The following SNORC variants were observed in gnomAD, a reference collection of about 807,000 sequenced individuals.
SNORC encodes secondary ossification center associated regulator of chondrocyte maturation.
In SNORC, 11 loss-of-function variants were observed where a neutral mutation model predicts 9.7. The observed-to-expected ratio is 1.14, with a 90% CI of 0.72 to 1.88. The LOEUF (loss-of-function observed/expected upper bound fraction) is 1.88, where lower values mean the gene tolerates loss of function less well. SNORC is among the 40% of genes most tolerant of loss of function. The pLI is 0.00. For missense variants in SNORC, 197 were observed against 173.1 expected (o/e 1.14, Z -0.77); for synonymous variants, 108 against 88.7 (o/e 1.22, Z -1.22).
rs1691219627 is a variant in SNORC, at chr2:232,876,016, G to A, written c.150G>A (p.Glu50=). Residue 50 remains glutamate (E), a synonymous_variant, in exon 2 of 3, where the codon GAG becomes GAA. Transcript: ENST00000331342. This position sits in a 1 kb window ranked among gnomAD's most constrained non-coding sequence, Gnocchi z 6.8. ...TGCCGTCGGGAGAAGGCCCCGTGGA[G>A]AGCACCAGCCCCGGCCGGGAGCCCG... is the stretch of plus-strand genomic sequence containing the variant. The A allele has an allele frequency of 4.5e-6, 7 of 1,550,820 alleles. No individual in the cohort carries two copies. The highest frequency in any genetic ancestry group is 2.4e-5 in the East Asian group (1 of 41,488).
intron 1 of SNORC, among the ~76,000 whole-genome samples, chr2:232,871,035 T>G (rs987801990): frequency 5.3e-5 from 8 of 152,176 alleles, no homozygotes; most frequent in Admixed American, 1.3e-4. Context: ...AGGGGAAGAC[T>G]GGCCCAGGCT....
At chr2:232,873,775 G>T (rs1486823492) in intron 1 of SNORC, among the ~76,000 whole-genome samples, 2 of 152,210 alleles carry the variant, frequency 1.3e-5, no homozygotes, top group Non-Finnish European at 2.9e-5. Context: ...CTGCAAGGCT[G>T]CAGACCCCTG....
At chr2:232,872,280 C>G (rs1402282638) in intron 1 of SNORC, among the ~76,000 whole-genome samples, 1 of 152,148 alleles carries the variant, frequency 6.6e-6, no homozygotes, top group Non-Finnish European at 1.5e-5. Flanking sequence ...TGTTGGGGGC[C>G]TGTGGCCTCA....
intron 1 of SNORC, 65 bp from the exon 2 acceptor site, chr2:232,875,875 G>A (rs746391431): frequency 1.3e-6 from 2 of 1,482,604 alleles, no homozygotes; most frequent in Admixed American, 2.2e-5. Flanking sequence ...TAACCTAGAG[G>A]TGGGGGGTGA....
downstream of SNORC, chr2:232,878,383 G>GC (rs199742075): frequency 0.018 from 2,904 of 158,338 alleles, 52 homozygotes; most frequent in African/African-American, 0.05. Flanking sequence ...CCCCTGTAGG[G>GC]CCCCCCCCAC....
chr2:232,870,044 G>A (rs1177097360), upstream of SNORC, among the ~76,000 whole-genome samples: 1 of 152,296 alleles, frequency 6.6e-6, no homozygotes, highest in South Asian at 2.1e-4. Context: ...TGTGGGAGGT[G>A]TGTGTGTGTT....
upstream of SNORC, among the ~76,000 whole-genome samples, chr2:232,867,029 G>A (rs1030208472): frequency 6.6e-6 from 1 of 152,172 alleles, no homozygotes; most frequent in East Asian, 1.9e-4. Flanking sequence ...GTTACCTCAA[G>A]TGATCCTCCC....
chr2:232,875,886 C>A, intron 1 of SNORC, 54 bp from the exon 2 acceptor site: 2 of 1,500,112 alleles, frequency 1.3e-6, no homozygotes, highest in Non-Finnish European at 8.9e-7. Flanking sequence ...TGGGGGGTGA[C>A]GTCCCTGTCG....
intron 1 of SNORC, 96 bp from the exon 2 acceptor site, chr2:232,875,844 C>T (rs1198088724): frequency 1.5e-6 from 2 of 1,312,928 alleles, no homozygotes; most frequent in East Asian, 2.6e-5. Flanking sequence ...ACCCCTCACA[C>T]AGCGCTACCG....
chr2:232,872,240 C>A (rs1433063630), intron 1 of SNORC, among the ~76,000 whole-genome samples: 1 of 152,146 alleles, frequency 6.6e-6, no homozygotes, highest in African/African-American at 2.4e-5. Context: ...GGGCTGAGGC[C>A]CAGGCCCCAT....
At chr2:232,876,651 G>A (rs930905774), downstream of SNORC, 98 of 1,018,714 alleles carry the variant, frequency 9.6e-5, 2 homozygotes, top group South Asian at 4.0e-3. The surrounding 1 kb of genome is among the most constrained non-coding windows in gnomAD (Gnocchi z 6.8). Context: ...GCGCGGCTCG[G>A]CGTCCCCGTG....
intron 1 of SNORC, among the ~76,000 whole-genome samples, chr2:232,872,278 G>T (rs1171486399): frequency 1.3e-5 from 2 of 152,212 alleles, no homozygotes; most frequent in African/African-American, 4.8e-5. Flanking sequence ...CCTGTTGGGG[G>T]CCTGTGGCCT....
At chr2:232,867,072 C>T (rs1032394562), upstream of SNORC, among the ~76,000 whole-genome samples, 2 of 152,156 alleles carry the variant, frequency 1.3e-5, no homozygotes, top group East Asian at 1.9e-4. Context: ...GGATTACAGG[C>T]GTGAGCCACA....
At chr2:232,874,321 CT>C (rs1485842066) in intron 1 of SNORC, among the ~76,000 whole-genome samples, 3 of 152,198 alleles carry the variant, frequency 2.0e-5, no homozygotes, top group African/African-American at 7.2e-5. Context: ...AGGACATTCT[CT>C]TAACACACCA....
chr2:232,876,721 G>A (rs1691266397), downstream of SNORC: 2 of 987,072 alleles, frequency 2.0e-6, no homozygotes, highest in Non-Finnish European at 2.4e-6. The surrounding 1 kb of genome is among the most constrained non-coding windows in gnomAD (Gnocchi z 6.8). Flanking sequence ...CGCGTGCGCC[G>A]GGGCCGCCAG....
At chr2:232,877,971 T>A (rs116771184), downstream of SNORC, 1 of 152,282 alleles carries the variant, frequency 6.6e-6, no homozygotes, top group African/African-American at 2.4e-5. Context: ...GGACGAGAGA[T>A]GGCCCCCTCT....
chr2:232,871,605 C>T (rs903875551), intron 1 of SNORC, among the ~76,000 whole-genome samples: 4 of 152,124 alleles, frequency 2.6e-5, no homozygotes, highest in African/African-American at 7.2e-5. Flanking sequence ...TACTTCCTCC[C>T]GCAAGCTGGG....
intron 1 of SNORC, among the ~76,000 whole-genome samples, chr2:232,873,586 G>T (rs1691110593): frequency 6.6e-6 from 1 of 152,188 alleles, no homozygotes; most frequent in African/African-American, 2.4e-5. Context: ...ATGCAGGGAG[G>T]TGCCTACCTG....
downstream of SNORC, chr2:232,876,856 C>T (rs1205588376): frequency 9.1e-6 from 9 of 985,474 alleles, no homozygotes; most frequent in East Asian, 1.1e-4. The surrounding 1 kb of genome is among the most constrained non-coding windows in gnomAD (Gnocchi z 6.8). Context: ...GGGCCGAGGC[C>T]CTCGCCGCGC....
Sources: gnomAD v4.1 joint callset for allele counts (sites outside exome capture counted in the v4.1 genomes callset) on GRCh38, gnomAD v4.1.1 for gene constraint, Gnocchi (gnomAD v3.1) non-coding constraint, MANE v1.5 for transcripts, NCBI Gene and HGNC (gene_info 2026-07-23, HGNC 2026-07-21) for gene names.